Variants in PLXDC1 observed in about 807,000 individuals in gnomAD.
The protein encoded by PLXDC1 is plexin domain-containing protein 1.
In PLXDC1, 39 loss-of-function variants were observed where a neutral mutation model predicts 61.3. The observed-to-expected ratio is 0.64, with a 90% CI of 0.49 to 0.83. The LOEUF (loss-of-function observed/expected upper bound fraction) is 0.83. Among genes scored for constraint, PLXDC1 ranks in the 40% least tolerant of loss-of-function variants. The pLI is 0.00. For missense variants in PLXDC1, 596 were observed against 666.5 expected (o/e 0.89, Z 1.17); for synonymous variants, 212 against 254.5 (o/e 0.83, Z 1.59).
chr17:39,108,038 C>T, intron 5 of PLXDC1, 85 bp downstream of exon 5: 2 of 1,545,476 alleles, frequency 1.3e-6, no homozygotes, highest in South Asian at 1.1e-5. Flanking sequence ...GGGACCCTTG[C>T]CCTCTCTAGG....
chr17:39,091,099 G>A (rs1909932676), intron 7 of PLXDC1, among the ~76,000 whole-genome samples: 1 of 152,162 alleles, frequency 6.6e-6, no homozygotes, highest in African/African-American at 2.4e-5. Flanking sequence ...CTCCTGCTGT[G>A]GATGCCACTG....
chr17:39,147,159 T>C (rs1449576061), intron 1 of PLXDC1, among the ~76,000 whole-genome samples: 2 of 152,024 alleles, frequency 1.3e-5, no homozygotes, highest in South Asian at 2.1e-4. Flanking sequence ...GGTTTCACCA[T>C]ATTGGGCAGG....
At chr17:39,110,776 C>T (rs898933847) in intron 2 of PLXDC1, among the ~76,000 whole-genome samples, 11 of 152,250 alleles carry the variant, frequency 7.2e-5, no homozygotes, top group Admixed American at 6.5e-4. Flanking sequence ...GCACTCCTCA[C>T]CTGCCAGAAG....
intron 2 of PLXDC1, among the ~76,000 whole-genome samples, chr17:39,109,872 G>C (rs1910736557): frequency 6.6e-6 from 1 of 152,224 alleles, no homozygotes. Flanking sequence ...GCTGGACGCG[G>C]TGGCTCGCGC....
rs1020668254 is a variant in PLXDC1, at chr17:39,129,777, AAAAG to A, written c.255+9873_255+9876del. ...CAAGAAAGAAAGAAAGAGAGAAAGAAAAAGAAAGAAAGAGAAAGAAAGAAAGAAA... is the reference window on the plus strand; with the variant it reads ...CAAGAAAGAAAGAAAGAGAGAAAGAAAAAGAAAGAGAAAGAAAGAAAGAAA... On this transcript the variant is annotated intron_variant, in intron 2 of 13. Transcript: ENST00000315392. Among the ~76,000 whole-genome samples, 21 of 116,552 alleles carry A rather than the reference AAAAG, an allele frequency of 1.8e-4. 1 individual carries two copies. The highest frequency in any genetic ancestry group is 3.1e-4 in the East Asian group (1 of 3,230). 76.5% of individuals were successfully genotyped at this position (116,552 alleles called of 152,430 possible). A position where few individuals can be genotyped will look rare whatever the true frequency, so the allele number is the denominator to read the frequency against.
intron 2 of PLXDC1, among the ~76,000 whole-genome samples, chr17:39,134,058 C>T (rs559650284): frequency 3.0e-4 from 46 of 151,860 alleles, no homozygotes; most frequent in Non-Finnish European, 5.7e-4. Context: ...GAGATCAAGA[C>T]CATCCTGGCT....
intron 2 of PLXDC1, among the ~76,000 whole-genome samples, chr17:39,133,155 GC>G (rs1847205081): frequency 6.6e-6 from 1 of 152,198 alleles, no homozygotes; most frequent in Non-Finnish European, 1.5e-5. Context: ...CGGACTCCCA[GC>G]CAGGGCCACC....
At chr17:39,125,978 G>A (rs1280864721) in intron 2 of PLXDC1, among the ~76,000 whole-genome samples, 2 of 152,172 alleles carry the variant, frequency 1.3e-5, no homozygotes, top group Non-Finnish European at 2.9e-5. Context: ...CATGGGCCGG[G>A]CGCGGTGGCT....
intron 11 of PLXDC1, among the ~76,000 whole-genome samples, chr17:39,076,077 GAAAAAAAAAAAAAGA>G (rs753760641): frequency 3.2e-4 from 26 of 82,394 alleles, no homozygotes; most frequent in South Asian, 9.0e-4. Context: ...GACTAAGTCT[GAAAAAAAAAAAAAGA>G]AAAAAAAAAA....
chr17:39,146,125 C>T (rs2045341010), intron 1 of PLXDC1, among the ~76,000 whole-genome samples: 1 of 143,550 alleles, frequency 7.0e-6, no homozygotes, highest in Admixed American at 7.2e-5. Context: ...GGCTGGAGTA[C>T]ATTGGTGTGA....
Position 39,109,369 on chromosome 17 carries a change from A to G in PLXDC1, c.278T>C (p.Val93Ala), listed in dbSNP as rs777843344. The G allele has an allele frequency of 1.9e-6, 3 of 1,600,526 alleles. No individual in the cohort carries two copies. The highest frequency in any genetic ancestry group is 1.7e-6 in the Non-Finnish European group (2 of 1,174,470). Reference protein sequence around the residue: ...RVVEDNHSYYVSRLYGPSEPH... With the variant: ...RVVEDNHSYYASRLYGPSEPH... The stretch of plus-strand genomic sequence containing the variant: ...CTCGCTGGGGCCATAGAGACGGGAC[A>G]CATAATAGCTGTGGTTGTCCTCCTG... Residue 93 changes from valine to alanine, a missense_variant, in exon 3 of 14, where the codon GTG (valine) becomes GCG (alanine). Transcript: ENST00000315392.
At chr17:39,082,563 C>CAAAA (rs11414417) in intron 9 of PLXDC1, among the ~76,000 whole-genome samples, 194 of 143,756 alleles carry the variant, frequency 1.3e-3, no homozygotes, top group Admixed American at 4.4e-3. Flanking sequence ...AAAACTCTCT[C>CAAAA]AAAAAAAAAA....
At chr17:39,152,568 G>C, upstream of PLXDC1, 2 of 1,248,192 alleles carry the variant, frequency 1.6e-6, no homozygotes, top group Non-Finnish European at 2.0e-6. Context: ...ACGGCAAGGA[G>C]CTGGGGCGCT....
chr17:39,149,396 TCTGGCCTCCCCAGACA>T (rs1401412385), intron 1 of PLXDC1, among the ~76,000 whole-genome samples: 3 of 152,134 alleles, frequency 2.0e-5, no homozygotes, highest in Non-Finnish European at 4.4e-5. Flanking sequence ...TTCTCCTACA[TCTGGCCTCCCCAGACA>T]CCCGCTTCCT....
At chr17:39,087,750 G>T in intron 7 of PLXDC1, 48 bp from the exon 8 acceptor site, 1 of 1,395,298 alleles carries the variant, frequency 7.2e-7, no homozygotes, top group East Asian at 2.3e-5. Flanking sequence ...ACAGGCAGAG[G>T]GCATCGAGGC....
At chr17:39,077,775 C>G in intron 11 of PLXDC1, 138 bp downstream of exon 11, 1 of 744,412 alleles carries the variant, frequency 1.3e-6, no homozygotes, top group East Asian at 2.7e-5. Context: ...GAACTTCAGG[C>G]CCCCTTAGCT....
At chr17:39,129,048 T>C (rs1425886088) in intron 2 of PLXDC1, among the ~76,000 whole-genome samples, 2 of 151,930 alleles carry the variant, frequency 1.3e-5, no homozygotes, top group African/African-American at 4.8e-5. Context: ...CCAGATGCGG[T>C]GGTGCACGCC....
intron 12 of PLXDC1, among the ~76,000 whole-genome samples, chr17:39,070,871 A>C (rs1268541706): frequency 2.0e-5 from 3 of 152,166 alleles, no homozygotes; most frequent in Non-Finnish European, 1.5e-5. Flanking sequence ...CCAGCTACTC[A>C]GGAGGCTGAG....
Position 39,112,542 on chromosome 17 carries a change from C to T in PLXDC1, c.256-3151G>A, listed in dbSNP as rs1011212319. ...GTGCGATCTCAGCTCACTGCAATCTCTACCTCCTGGGTTCAGGCAATTATT... is the reference window on the plus strand; with the variant it reads ...GTGCGATCTCAGCTCACTGCAATCTTTACCTCCTGGGTTCAGGCAATTATT... On this transcript the variant is annotated intron_variant, in intron 2 of 13. Coordinates refer to ENST00000315392, the MANE Select transcript of PLXDC1 (RefSeq NM_020405.5). Among the ~76,000 whole-genome samples, 12 of 144,162 alleles carry T rather than the reference C, an allele frequency of 8.3e-5. No homozygotes were observed. In the East Asian group the frequency reaches 2.5e-3, roughly 30 times the overall value. The allele number at this position is 144,162 out of a possible 152,430, so 94.6% of individuals were successfully genotyped here. A position where few individuals can be genotyped will look rare whatever the true frequency, so the allele number is the denominator to read the frequency against.
Sources: allele counts gnomAD v4.1 joint callset (sites outside exome capture counted in the v4.1 genomes callset), GRCh38; gene constraint gnomAD v4.1.1; transcripts MANE v1.5; gene names NCBI Gene and HGNC (gene_info 2026-07-23, HGNC 2026-07-21).